Variants in REPS2 observed in about 807,000 individuals in gnomAD.
The protein encoded by REPS2 is ralBP1-associated Eps domain-containing protein 2.
Under a neutral mutation model 53.6 loss-of-function variants are expected in REPS2, and 23 were observed. The observed-to-expected ratio is 0.43, with a 90% CI of 0.31 to 0.61. The LOEUF (loss-of-function observed/expected upper bound fraction) is 0.61, where lower values mean the gene tolerates loss of function less well. Ranked by LOEUF, REPS2 falls within the 20% of genes least tolerant of loss-of-function variation. The pLI is 0.11. For synonymous variants in REPS2, 238 were observed against 218.6 expected, an observed-to-expected ratio of 1.09 and a Z score of -0.78; for missense variants, 446 against 534.9, an observed-to-expected ratio of 0.83 and a Z score of 1.64.
At chrX:16,947,338 G>T (rs866831237) in intron 1 of REPS2, among the ~76,000 whole-genome samples, 2 of 112,403 alleles carry the variant, frequency 1.8e-5, no homozygotes, top group Admixed American at 9.3e-5. Flanking sequence ...TCCTCGCCCA[G>T]TGCTGGGTGC....
the REPS2 span, among the ~76,000 whole-genome samples, chrX:17,195,663 T>G: frequency 8.9e-6 from 1 of 112,436 alleles, no homozygotes; most frequent in Admixed American, 9.4e-5. Context: ...GTGGGTGTTC[T>G]AGATCTATCA....
rs773792950 is a variant in REPS2 at position 17,038,390 on chromosome X, A to C, written c.771+8767A>C. ...AGGAGAGGAGTGGAGTGTTTCCTGT[A>C]GAGGTAAGAGCCTCTCCAAAACCGC... On this transcript the variant is annotated intron_variant, in intron 5 of 17. Transcript: ENST00000357277. Among the ~76,000 whole-genome samples, 6 of 111,939 alleles carry C rather than the reference A, an allele frequency of 5.4e-5. No individual in the cohort carries two copies. The South Asian group carries it at 2.2e-3, about 42-fold the overall frequency.
chrX:17,101,419 T>C (rs905233325), intron 13 of REPS2, among the ~76,000 whole-genome samples: 1 of 111,476 alleles, frequency 9.0e-6, no homozygotes, highest in African/African-American at 3.3e-5. Flanking sequence ...ATACCTGTGA[T>C]ACTGTTTTGT....
At chrX:17,121,537 A>G (rs2063141599) in intron 14 of REPS2, among the ~76,000 whole-genome samples, 1 of 111,867 alleles carries the variant, frequency 8.9e-6, no homozygotes, top group South Asian at 3.8e-4. Flanking sequence ...TTTATGTATC[A>G]TGCCAGTGAT....
At chrX:17,120,018 A>G (rs1272483534) in intron 14 of REPS2, among the ~76,000 whole-genome samples, 2 of 110,131 alleles carry the variant, frequency 1.8e-5, no homozygotes, top group Non-Finnish European at 3.8e-5. Flanking sequence ...CTGGGATTAC[A>G]GGCACATGCC....
At chrX:17,008,378 T>C (rs890485839) in intron 2 of REPS2, among the ~76,000 whole-genome samples, 5 of 112,451 alleles carry the variant, frequency 4.4e-5, no homozygotes, top group South Asian at 3.6e-4. Flanking sequence ...TTTTACCTGA[T>C]TTGTGCCCAG....
chrX:16,965,664 T>C (rs1426587225), intron 1 of REPS2, among the ~76,000 whole-genome samples: 2 of 109,135 alleles, frequency 1.8e-5, no homozygotes, highest in African/African-American at 6.7e-5. Context: ...TTCCCAGATG[T>C]GATGGCGGCC....
chrX:17,165,398 G>A, the REPS2 span, among the ~76,000 whole-genome samples: 4 of 111,719 alleles, frequency 3.6e-5, no homozygotes, highest in African/African-American at 1.3e-4. Flanking sequence ...GTGCCTATTT[G>A]TTTGCTGGTT....
intron 1 of REPS2, among the ~76,000 whole-genome samples, chrX:16,966,533 A>C (rs1293797188): frequency 8.9e-6 from 1 of 112,488 alleles, no homozygotes; most frequent in Non-Finnish European, 1.9e-5. Context: ...AATTTTATAC[A>C]ATATTTTAAA....
At chrX:17,062,642 G>T in intron 9 of REPS2, 110 bp downstream of exon 9, 1 of 483,599 alleles carries the variant, frequency 2.1e-6, no homozygotes, top group Non-Finnish European at 3.3e-6. Flanking sequence ...TTGAAAATGA[G>T]CTTTTATAAC....
At chrX:17,107,292 A>C (rs2062887447) in intron 14 of REPS2, among the ~76,000 whole-genome samples, 1 of 112,337 alleles carries the variant, frequency 8.9e-6, no homozygotes. Context: ...TATTATGAAG[A>C]AACAATTCTG....
chrX:17,000,531 G>T (rs569149129), intron 1 of REPS2, among the ~76,000 whole-genome samples: 8 of 111,992 alleles, frequency 7.1e-5, no homozygotes, highest in African/African-American at 2.6e-4. Flanking sequence ...AGGATATAAA[G>T]TATAGCCCAG....
intron 11 of REPS2, among the ~76,000 whole-genome samples, chrX:17,071,284 G>A (rs980872167): frequency 2.0e-4 from 22 of 111,134 alleles, no homozygotes; most frequent in African/African-American, 7.2e-4. Flanking sequence ...TCATGTTGTA[G>A]TATTAGTAAA....
the REPS2 span, among the ~76,000 whole-genome samples, chrX:17,177,236 C>A: frequency 8.9e-6 from 1 of 112,240 alleles, no homozygotes; most frequent in Non-Finnish European, 1.9e-5. Flanking sequence ...GTCAAATGAG[C>A]ATTCTTTTGC....
At chrX:17,040,261 G>T (rs2061814457) in intron 5 of REPS2, among the ~76,000 whole-genome samples, 1 of 112,605 alleles carries the variant, frequency 8.9e-6, no homozygotes, top group South Asian at 3.6e-4. Flanking sequence ...TGACTTCAGA[G>T]GTAAGGGAGA....
intron 1 of REPS2, among the ~76,000 whole-genome samples, chrX:16,990,336 G>A (rs1177466439): frequency 6.3e-5 from 7 of 111,754 alleles, no homozygotes; most frequent in Admixed American, 5.7e-4. Flanking sequence ...GAGGCCAGGC[G>A]TGGTGGCTCA....
At chrX:17,079,242 G>A (rs1285022020) in intron 13 of REPS2, among the ~76,000 whole-genome samples, 1 of 111,841 alleles carries the variant, frequency 8.9e-6, no homozygotes, top group African/African-American at 3.3e-5. Context: ...TAGTAAGCAT[G>A]TAAGGCCCAT....
intron 1 of REPS2, among the ~76,000 whole-genome samples, chrX:16,994,233 A>G (rs1339337719): frequency 3.6e-5 from 4 of 112,437 alleles, no homozygotes; most frequent in Non-Finnish European, 7.5e-5. Flanking sequence ...AAAATAGGGA[A>G]CCAGCCCAAA....
chrX:17,175,397 C>T, the REPS2 span, among the ~76,000 whole-genome samples: 1 of 112,675 alleles, frequency 8.9e-6, no homozygotes, highest in Non-Finnish European at 1.9e-5. Context: ...GAGAGGAAGC[C>T]TCCTTGTGAG....
Sources: gnomAD v4.1 joint callset for allele counts (sites outside exome capture counted in the v4.1 genomes callset) on GRCh38, gnomAD v4.1.1 for gene constraint, MANE v1.5 for transcripts, NCBI Gene and HGNC (gene_info 2026-07-23, HGNC 2026-07-21) for gene names.